ABCG8: variants seen among roughly 807,000 people sequenced by gnomAD.
ABCG8 encodes ATP binding cassette subfamily G member 8, also known as ATP-binding cassette sub-family G member 8.
Under a neutral mutation model 71.3 loss-of-function variants are expected in ABCG8, and 81 were observed. The ratio of observed to expected loss-of-function variants is 1.14; its 90% CI spans 0.95 to 1.37. The LOEUF is 1.37. Among genes scored for constraint, ABCG8 ranks in the 40% most tolerant of loss-of-function variants. ABCG8 has a pLI of 0.00. For synonymous variants in ABCG8, 451 were observed against 354.7 expected, an observed-to-expected ratio of 1.27 and a Z score of -3.05; for missense variants, 1,119 against 866.2, an observed-to-expected ratio of 1.29 and a Z score of -3.66.
At chr2:43,874,235 C>T (rs893073556) in intron 9 of ABCG8, among the ~76,000 whole-genome samples, 172 bp from the exon 10 acceptor site, 2 of 152,006 alleles carry the variant, frequency 1.3e-5, no homozygotes, top group African/African-American at 4.8e-5. Flanking sequence ...ACCTGAAGAG[C>T]CTCATCAAAC....
rs746541178 is a variant in ABCG8 at position 43,875,357 on chromosome 2, A to C, written c.1700A>C (p.Tyr567Ser). ...GCCTCCTTCTTCAGCAATGCCCTCT[A>C]CAACTCCTTCTACCTCGCCGGGGGC... ...HMASFFSNALYNSFYLAGGFM... is the reference protein window; with the variant it reads ...HMASFFSNALSNSFYLAGGFM... The change falls in exon 11 of 13, where the codon TAC becomes TCC. Residue 567 changes from tyrosine to serine, a missense_variant. By Grantham distance (144) the Tyr-to-Ser change is moderately radical. Coordinates refer to ENST00000272286, the MANE Select transcript of ABCG8 (RefSeq NM_022437.3). The C allele has an allele frequency of 1.9e-6, 3 of 1,614,122 alleles. No homozygotes were observed. The highest frequency in any genetic ancestry group is 1.7e-6 in the Non-Finnish European group (2 of 1,180,030).
At chr2:43,839,513 G>A (rs1668495172) in intron 1 of ABCG8, among the ~76,000 whole-genome samples, 2 of 129,882 alleles carry the variant, frequency 1.5e-5, no homozygotes, top group South Asian at 2.6e-4. Context: ...TGCAAGCTCT[G>A]CCTCCTAGGT....
At chr2:43,842,517 C>A (rs1668611294) in intron 1 of ABCG8, among the ~76,000 whole-genome samples, 1 of 152,044 alleles carries the variant, frequency 6.6e-6, no homozygotes, top group African/African-American at 2.4e-5. Flanking sequence ...CTCAACCTCC[C>A]TCCTGCTTGG....
chr2:43,844,705 C>A, intron 2 of ABCG8, 97 bp downstream of exon 2: 2 of 907,334 alleles, frequency 2.2e-6, no homozygotes, highest in Non-Finnish European at 3.6e-6. Context: ...CTTGCAGGCC[C>A]TCTGCCCGCA....
intron 6 of ABCG8, among the ~76,000 whole-genome samples, chr2:43,868,003 A>G (rs1365090387): frequency 1.3e-5 from 2 of 151,798 alleles, no homozygotes; most frequent in African/African-American, 2.4e-5. Flanking sequence ...CACTCTCTGG[A>G]TAGAACTCTC....
intron 6 of ABCG8, among the ~76,000 whole-genome samples, chr2:43,865,653 C>T (rs1394430956): frequency 6.7e-6 from 1 of 150,010 alleles, no homozygotes; most frequent in African/African-American, 2.5e-5. Context: ...AGAACTCTCA[C>T]TCTCTCTCTG....
chr2:43,841,520 G>C (rs1291337223), intron 1 of ABCG8, among the ~76,000 whole-genome samples: 3 of 152,142 alleles, frequency 2.0e-5, no homozygotes, highest in African/African-American at 7.2e-5. Flanking sequence ...TTTTAAAATG[G>C]AACAGAGGTC....
intron 6 of ABCG8, among the ~76,000 whole-genome samples, chr2:43,856,048 C>T (rs1669094126): frequency 6.6e-6 from 1 of 152,074 alleles, no homozygotes; most frequent in South Asian, 2.1e-4. Flanking sequence ...ATAGAACTCT[C>T]ACTTTCTAGC....
At chr2:43,845,254 G>C (rs1007123625) in intron 2 of ABCG8, among the ~76,000 whole-genome samples, 2 of 152,000 alleles carry the variant, frequency 1.3e-5, no homozygotes, top group African/African-American at 4.8e-5. Context: ...CAGCTCCCCA[G>C]GGACCCAGAT....
rs1670157773 is a variant in ABCG8, at chr2:43,882,426, C to G, written c.*4513C>G. The G allele has an allele frequency of 6.6e-6, 1 of 152,206 alleles. No individual in the cohort carries two copies. Among genetic ancestry groups the G allele is most frequent in the Non-Finnish European group, 1.5e-5 (1 of 68,040 alleles). 9.4% of individuals were successfully genotyped at this position (152,206 alleles called of 1,614,324 possible). A position where few individuals can be genotyped will look rare whatever the true frequency, so the allele number is the denominator to read the frequency against. The stretch of plus-strand genomic sequence containing the variant: ...CCAACCGGCCTTGGGGTCTGGAGCA[C>G]CAAACAGGCCCTGAGGAAGCGTGCA... On this transcript the variant is annotated 3_prime_UTR_variant, in exon 13 of 13. Transcript: ENST00000272286.
chr2:43,853,182 C>G (rs986743302), intron 6 of ABCG8, among the ~76,000 whole-genome samples: 3 of 152,208 alleles, frequency 2.0e-5, no homozygotes, highest in African/African-American at 7.2e-5. Context: ...TTTATTCAGA[C>G]TCAGTAGGGA....
At chr2:43,864,206 C>T (rs1669438429) in intron 6 of ABCG8, among the ~76,000 whole-genome samples, 1 of 151,502 alleles carries the variant, frequency 6.6e-6, no homozygotes, top group Admixed American at 6.6e-5. Flanking sequence ...ATATAGAATT[C>T]CCACGATCTG....
At chr2:43,846,405 T>C in intron 3 of ABCG8, 94 bp downstream of exon 3, 1 of 1,556,572 alleles carries the variant, frequency 6.4e-7, no homozygotes, top group Non-Finnish European at 8.8e-7. Flanking sequence ...AGCTCTTTGC[T>C]GACTAGTAGA....
At chr2:43,858,850 C>T (rs1490790848) in intron 6 of ABCG8, among the ~76,000 whole-genome samples, 1 of 151,216 alleles carries the variant, frequency 6.6e-6, no homozygotes, top group Non-Finnish European at 1.5e-5. Context: ...AATTCTCACA[C>T]TCCGGATAGA....
At chr2:43,856,382 C>T (rs1280066838) in intron 6 of ABCG8, among the ~76,000 whole-genome samples, 1 of 151,694 alleles carries the variant, frequency 6.6e-6, no homozygotes, top group South Asian at 2.1e-4. Context: ...CTCTCACTCC[C>T]TGTCTGGATA....
chr2:43,846,261 T>G lies in ABCG8; in HGVS notation c.272T>G (p.Leu91Arg), dbSNP rs1255685258. Residue 91 changes from leucine to arginine, a missense_variant, in exon 3 of 13, where the codon CTA (leucine) becomes CGA (arginine). Leu to Arg is a moderately radical substitution (Grantham distance 102). Coordinates refer to ENST00000272286, the MANE Select transcript of ABCG8 (RefSeq NM_022437.3). ...TCTTGTGAGCTGGGCATCCAGAACC[T>G]AAGCTTCAAAGTGAGAAGTGGGCAG... is the stretch of plus-strand genomic sequence containing the variant. Reference protein sequence around the residue: ...QNSCELGIQNLSFKVRSGQML... With the variant: ...QNSCELGIQNRSFKVRSGQML... 6.2e-7 allele frequency: 1 copy of G among 1,614,184 alleles called. No individual in the cohort carries two copies. Among genetic ancestry groups the G allele is most frequent in the Admixed American group, 1.7e-5 (1 of 60,028 alleles).
chr2:43,864,791 ACT>A (rs1377684068), intron 6 of ABCG8, among the ~76,000 whole-genome samples: 2 of 146,666 alleles, frequency 1.4e-5, no homozygotes, highest in East Asian at 4.0e-4. Flanking sequence ...TAGAATTCTC[ACT>A]CTCTGTATAA....
At chr2:43,872,443 G>T in intron 8 of ABCG8, 137 bp downstream of exon 8, 1 of 1,020,728 alleles carries the variant, frequency 9.8e-7, no homozygotes, top group South Asian at 1.4e-5. Context: ...GCATCCAGCA[G>T]GGCGTTGGTG....
intron 11 of ABCG8, among the ~76,000 whole-genome samples, chr2:43,875,692 T>C (rs942397245): frequency 6.6e-6 from 1 of 152,180 alleles, no homozygotes; most frequent in African/African-American, 2.4e-5. Flanking sequence ...CGATTCTGCC[T>C]CCTGTTTCTC....
Sources: allele counts gnomAD v4.1 joint callset (sites outside exome capture counted in the v4.1 genomes callset), GRCh38; gene constraint gnomAD v4.1.1; transcripts MANE v1.5; gene names NCBI Gene and HGNC (gene_info 2026-07-23, HGNC 2026-07-21).